Variants in TFRC observed in about 807,000 individuals in gnomAD.
TFRC encodes the protein transferrin receptor protein 1.
TFRC carries 35 observed loss-of-function variants against 85.8 expected under a neutral mutation model. That is an observed-to-expected ratio of 0.41 (90% CI 0.31 to 0.54). The LOEUF is 0.54. Ranked by LOEUF, TFRC falls within the 20% of genes least tolerant of loss-of-function variation. TFRC has a pLI of 0.31. For synonymous variants in TFRC, 362 were observed against 328.6 expected, an observed-to-expected ratio of 1.10 and a Z score of -1.10; for missense variants, 828 against 921.5, an observed-to-expected ratio of 0.90 and a Z score of 1.31.
intron 13 of TFRC, 163 bp from the exon 14 acceptor site, chr3:196,060,410 C>G (rs72561496): frequency 9.3e-6 from 6 of 642,744 alleles, no homozygotes; most frequent in Admixed American, 8.5e-5. Context: ...ATTTTGGTAT[C>G]AAGCTCTTTA....
chr3:196,081,230 T>C (rs2108662603), intron 1 of TFRC, among the ~76,000 whole-genome samples: 1 of 152,290 alleles, frequency 6.6e-6, no homozygotes, highest in East Asian at 1.9e-4. Context: ...GCTCCCGTCT[T>C]GTAGTGAGAA....
At position 196,077,059 on chromosome 3, in the gene TFRC, C is replaced by A; in HGVS notation, c.36+5G>T. On this transcript the variant is annotated splice_donor_5th_base_variant and intron_variant, in intron 2 of 18. Transcript: ENST00000360110. ...GACACAGAAATACAACTGAAAATATCTTACCAAGTTAGAGAATGCTGATCT... is the reference window on the plus strand; with the variant it reads ...GACACAGAAATACAACTGAAAATATATTACCAAGTTAGAGAATGCTGATCT... The A allele has an allele frequency of 6.2e-7, 1 of 1,613,496 alleles. No individual in the cohort carries two copies. Among genetic ancestry groups the A allele is most frequent in the Non-Finnish European group, 8.5e-7 (1 of 1,179,632 alleles).
intron 13 of TFRC, among the ~76,000 whole-genome samples, chr3:196,060,785 G>A (rs564830820): frequency 5.0e-4 from 52 of 103,646 alleles, no homozygotes; most frequent in African/African-American, 1.8e-3. Flanking sequence ...GTGACAAAGC[G>A]AGACTCCATC....
intron 5 of TFRC, 24 bp from the exon 6 acceptor site, chr3:196,071,522 T>TAA (rs1718207136): frequency 1.2e-6 from 2 of 1,608,318 alleles, no homozygotes; most frequent in Non-Finnish European, 1.7e-6. Flanking sequence ...TAAGTTAAAA[T>TAA]AAGCCTAAGG....
rs556233718 is a variant in TFRC at position 196,051,525 on chromosome 3, G to A, written c.*417C>T. On this transcript the variant is annotated 3_prime_UTR_variant, in exon 19 of 19. Coordinates refer to ENST00000360110, the MANE Select transcript of TFRC (RefSeq NM_001128148.3). ...CATTTGGAGAAGGTCTTTCAACCTG[G>A]TATCTCCTATTTAGCATCAAATGAA... 8.2e-4 allele frequency: 189 copies of A among 231,128 alleles called. 1 individual carries two copies. Among genetic ancestry groups the A allele is most frequent in the Non-Finnish European group, 1.3e-3 (146 of 116,532 alleles). The allele number at this position is 231,128 out of a possible 1,614,324, so 14.3% of individuals were successfully genotyped here. A position where few individuals can be genotyped will look rare whatever the true frequency, so the allele number is the denominator to read the frequency against.
At chr3:196,053,323 C>T in intron 18 of TFRC, 95 bp downstream of exon 18, 1 of 1,393,168 alleles carries the variant, frequency 7.2e-7, no homozygotes, top group South Asian at 1.2e-5. Flanking sequence ...TAAAGGAATT[C>T]TAGACTCCTA....
intron 11 of TFRC, 99 bp from the exon 12 acceptor site, chr3:196,063,038 G>A: frequency 8.5e-6 from 7 of 822,390 alleles, no homozygotes; most frequent in South Asian, 4.4e-5. Flanking sequence ...CTAATTCCAA[G>A]ATAGCAGATT....
rs1234982104 is a variant in TFRC, at chr3:196,072,015, T to C, written c.572A>G (p.Gln191Arg). 6.2e-7 allele frequency: 1 copy of C among 1,613,108 alleles called. No individual in the cohort carries two copies. Among genetic ancestry groups the C allele is most frequent in the Non-Finnish European group, 8.5e-7 (1 of 1,179,734 alleles). The change falls in exon 5 of 19, where the codon CAG becomes CGG. Residue 191 changes from glutamine (Q) to arginine (R), a missense_variant. Coordinates refer to ENST00000360110, the MANE Select transcript of TFRC (RefSeq NM_001128148.3). ...VWRDQHFVKIQVKDSAQNSVI... is the reference protein window; with the variant it reads ...VWRDQHFVKIRVKDSAQNSVI... ...TCTTTCAACATACCTGTCTTTGACC[T>C]GAATCTTAACAAAATGTTGATCACG...
At chr3:196,058,788 TTTAAG>T (rs1390952231) in intron 14 of TFRC, 156 bp from the exon 15 acceptor site, 43 of 443,868 alleles carry the variant, frequency 9.7e-5, no homozygotes, top group Non-Finnish European at 2.4e-5. Context: ...CAATCTCAAC[TTTAAG>T]TTATTACTAA....
chr3:196,072,276 T>A, intron 4 of TFRC, 124 bp from the exon 5 acceptor site: 1 of 1,319,576 alleles, frequency 7.6e-7, no homozygotes, highest in Non-Finnish European at 1.0e-6. Context: ...AAATGAACTG[T>A]GACCCAAAAC....
At chr3:196,075,566 ATT>A (rs879865391) in intron 2 of TFRC, among the ~76,000 whole-genome samples, 11 of 144,014 alleles carry the variant, frequency 7.6e-5, no homozygotes, top group Admixed American at 2.1e-4. Flanking sequence ...CTTTTTGTAA[ATT>A]TTTTTTTTTT....
chr3:196,070,807 T>TAATAATAATAAA (rs978226944), intron 6 of TFRC, among the ~76,000 whole-genome samples: 50 of 144,578 alleles, frequency 3.5e-4, no homozygotes, highest in South Asian at 6.7e-4. Context: ...ATAATAATAA[T>TAATAATAATAAA]AAAATAAAAA....
intron 4 of TFRC, among the ~76,000 whole-genome samples, chr3:196,072,359 C>T (rs936964953): frequency 2.0e-5 from 3 of 152,124 alleles, no homozygotes; most frequent in African/African-American, 7.2e-5. Flanking sequence ...AGCTTCTTTA[C>T]CCACTACAAA....
In TFRC at chr3:196,072,129, A is replaced by G; in HGVS notation, c.458T>C (p.Val153Ala). Residue 153 changes from valine to alanine, a missense_variant, in exon 5 of 19, where the codon GTC becomes GCC. Coordinates refer to ENST00000360110, the MANE Select transcript of TFRC (RefSeq NM_001128148.3). ...TIKLLNENSY[V>A]PREAGSQKDE... is the part of the protein sequence containing the mutation. ...TTTTTGAGATCCAGCCTCACGAGGG[A>G]CATATGAATTTTCATTCAGCAGCCT... is the stretch of plus-strand genomic sequence containing the variant. 6.2e-7 allele frequency: 1 copy of G among 1,613,596 alleles called. No homozygotes were observed. The highest frequency in any genetic ancestry group is 1.3e-5 in the African/African-American group (1 of 75,042).
intron 1 of TFRC, among the ~76,000 whole-genome samples, chr3:196,080,799 GT>G (rs1187375466): frequency 7.3e-5 from 9 of 124,070 alleles, no homozygotes; most frequent in Non-Finnish European, 1.1e-4. Context: ...TTAACTCTGA[GT>G]TTTCTTGAGA....
chr3:196,053,278 A>G, intron 18 of TFRC, 140 bp downstream of exon 18: 1 of 935,818 alleles, frequency 1.1e-6, no homozygotes, highest in Non-Finnish European at 1.6e-6. Flanking sequence ...CAGCAGAAAC[A>G]GAAAATGACA....
rs1379728370 is a variant in TFRC at position 196,082,037 on chromosome 3, A to T, written c.-24+6T>A. On this transcript the variant is annotated splice_donor_region_variant and intron_variant, in intron 1 of 18. Coordinates refer to ENST00000360110, the MANE Select transcript of TFRC (RefSeq NM_001128148.3). ...GGTCGGTGTAGTTCTAGAAGCCCGC[A>T]CTCACACTAGCGCGTCCTCCGTCCC... 6.6e-6 allele frequency: 1 copy of T among 152,542 alleles called. No individual in the cohort carries two copies. The highest frequency in any genetic ancestry group is 2.4e-5 in the African/African-American group (1 of 41,360). The allele number at this position is 152,542 out of a possible 1,614,324, so 9.4% of individuals were successfully genotyped here.
rs1716377042 is a variant in TFRC, at chr3:196,052,190, A to G, written c.2041-6T>C. ...GAGAGGAAGTGATACTCCACCTACGAAAACAACACACAAGGCAATTTACAC... is the reference window on the plus strand; with the variant it reads ...GAGAGGAAGTGATACTCCACCTACGGAAACAACACACAAGGCAATTTACAC... On this transcript the variant is annotated splice_polypyrimidine_tract_variant and splice_region_variant and intron_variant, in intron 18 of 18. Transcript: ENST00000360110. 2 of 1,613,046 alleles carry G rather than the reference A, an allele frequency of 1.2e-6. No homozygotes were observed. Among genetic ancestry groups the G allele is most frequent in the Non-Finnish European group, 1.7e-6 (2 of 1,179,354 alleles).
rs571673598 is a variant in TFRC, at chr3:196,055,289, G to A, written c.1690C>T (p.Pro564Ser). 1.0e-4 allele frequency: 162 copies of A among 1,614,066 alleles called. 1 individual carries two copies. The South Asian group carries it at 1.7e-3, about 17-fold the overall frequency. Residue 564 changes from proline (P) to serine (S), a missense_variant, in exon 17 of 19, where the codon CCT becomes TCT. Coordinates refer to ENST00000360110, the MANE Select transcript of TFRC (RefSeq NM_001128148.3). ...GTGTCCATGGTGGTACCCAAATAAG[G>A]ATAATCTGTGTCCTGCAAGACAACG... ...SFCFCEDTDY[P>S]YLGTTMDTYK... is the part of the protein sequence containing the mutation.
Sources: gnomAD v4.1 joint callset for allele counts (sites outside exome capture counted in the v4.1 genomes callset) on GRCh38, gnomAD v4.1.1 for gene constraint, MANE v1.5 for transcripts, NCBI Gene and HGNC (gene_info 2026-07-23, HGNC 2026-07-21) for gene names.